Variants in MSRB3 observed in about 807,000 individuals in gnomAD.
The protein encoded by MSRB3 is methionine-R-sulfoxide reductase B3.
In MSRB3, 13 loss-of-function variants were observed where a neutral mutation model predicts 21.0. The observed-to-expected ratio is 0.62, with a 90% CI of 0.40 to 0.98. MSRB3 has a LOEUF of 0.98. Ranked by LOEUF, MSRB3 falls within the 50% of genes least tolerant of loss-of-function variation. The pLI, the probability that MSRB3 is intolerant of heterozygous loss-of-function variation, is 0.00. For synonymous variants in MSRB3, 87 were observed against 88.6 expected, an observed-to-expected ratio of 0.98 and a Z score of 0.10; for missense variants, 199 against 230.3, an observed-to-expected ratio of 0.86 and a Z score of 0.88.
intron 5 of MSRB3, among the ~76,000 whole-genome samples, chr12:65,385,646 G>A (rs1242654376): frequency 4.6e-5 from 7 of 151,930 alleles, no homozygotes; most frequent in East Asian, 1.9e-4. Context: ...TTGGGACAGA[G>A]GCCCGTTAAA....
chr12:65,386,085 A>G (rs1210305154), intron 5 of MSRB3, among the ~76,000 whole-genome samples: 1 of 151,944 alleles, frequency 6.6e-6, no homozygotes, highest in African/African-American at 2.4e-5. Context: ...TCCATTAAGC[A>G]TTACAGCATC....
intron 4 of MSRB3, among the ~76,000 whole-genome samples, chr12:65,355,072 G>A (rs1285340028): frequency 6.6e-6 from 1 of 151,770 alleles, no homozygotes; most frequent in Non-Finnish European, 1.5e-5. Flanking sequence ...AGAAATGAGG[G>A]AAAGAGGTTA....
At chr12:65,280,037 C>A (rs1871917974) in intron 1 of MSRB3, among the ~76,000 whole-genome samples, 1 of 152,098 alleles carries the variant, frequency 6.6e-6, no homozygotes, top group Non-Finnish European at 1.5e-5. Flanking sequence ...AGATTATATT[C>A]AGTACTCTCT....
intron 5 of MSRB3, among the ~76,000 whole-genome samples, chr12:65,439,551 T>A (rs1882276209): frequency 6.6e-6 from 1 of 151,654 alleles, no homozygotes; most frequent in African/African-American, 2.4e-5. Context: ...ATCTTAAATT[T>A]TAGAAAGTAG....
chr12:65,304,767 A>C (rs1873548967), intron 1 of MSRB3, among the ~76,000 whole-genome samples: 1 of 152,228 alleles, frequency 6.6e-6, no homozygotes, highest in Non-Finnish European at 1.5e-5. Flanking sequence ...TCACTCAGAC[A>C]GTTCAGGGAA....
chr12:65,370,358 A>G (rs1878249833), intron 5 of MSRB3, among the ~76,000 whole-genome samples: 1 of 152,196 alleles, frequency 6.6e-6, no homozygotes, highest in Admixed American at 6.5e-5. Context: ...TAAAAATTAC[A>G]TGTCTCTTTT....
At chr12:65,292,070 A>G (rs2136396575) in intron 1 of MSRB3, among the ~76,000 whole-genome samples, 1 of 152,302 alleles carries the variant, frequency 6.6e-6, no homozygotes, top group Non-Finnish European at 1.5e-5. Context: ...TATAAAGTCT[A>G]AGGAAAAGAG....
rs1592479267 is a variant in MSRB3 at position 65,278,861 on chromosome 12, G to A, written c.-56G>A. ...TGGCCGCGGCTCTGGGAAGTGCGCA[G>A]TCCGGTAAGTTCGGGCTCCCCTCCC... On this transcript the variant is annotated 5_prime_UTR_variant, in exon 1 of 7. Coordinates refer to ENST00000308259, the MANE Select transcript of MSRB3 (RefSeq NM_001031679.3). The A allele has an allele frequency of 6.4e-7, 1 of 1,557,976 alleles. No individual in the cohort carries two copies. The highest frequency in any genetic ancestry group is 2.4e-5 in the East Asian group (1 of 41,576).
intron 5 of MSRB3, among the ~76,000 whole-genome samples, chr12:65,370,425 A>G (rs1878253293): frequency 6.6e-6 from 1 of 152,176 alleles, no homozygotes; most frequent in Non-Finnish European, 1.5e-5. Flanking sequence ...ATCTGATGTA[A>G]TTCCCTAAAC....
intron 6 of MSRB3, among the ~76,000 whole-genome samples, chr12:65,458,255 C>A (rs150444396): frequency 6.6e-6 from 1 of 152,172 alleles, no homozygotes; most frequent in Admixed American, 6.5e-5. Flanking sequence ...TGCTTAGGAT[C>A]CTTTTTTAAA....
intron 4 of MSRB3, among the ~76,000 whole-genome samples, chr12:65,333,960 C>T (rs1387932821): frequency 6.6e-6 from 1 of 152,096 alleles, no homozygotes; most frequent in Non-Finnish European, 1.5e-5. Flanking sequence ...GAGATGTAAG[C>T]CATAACAGTG....
chr12:65,459,515 G>GA (rs899618201), intron 6 of MSRB3, among the ~76,000 whole-genome samples: 3 of 151,964 alleles, frequency 2.0e-5, no homozygotes, highest in African/African-American at 7.2e-5. Context: ...AAGCACAGAG[G>GA]AAAAAAAGCC....
At chr12:65,284,759 G>C (rs188049473) in intron 1 of MSRB3, 1 of 152,154 alleles carries the variant, frequency 6.6e-6, no homozygotes, top group African/African-American at 2.4e-5. Context: ...ATGCCGAGTC[G>C]GTATATGGCA....
At chr12:65,321,222 G>A (rs1874641554) in intron 2 of MSRB3, among the ~76,000 whole-genome samples, 1 of 152,068 alleles carries the variant, frequency 6.6e-6, no homozygotes, top group Non-Finnish European at 1.5e-5. Context: ...GGAGCTCCAG[G>A]AAAGTAGATC....
At chr12:65,438,284 C>T (rs1323035849) in intron 5 of MSRB3, among the ~76,000 whole-genome samples, 1 of 151,714 alleles carries the variant, frequency 6.6e-6, no homozygotes, top group African/African-American at 2.4e-5. Context: ...CCTAGAAGAT[C>T]AAATGGAAGA....
At chr12:65,353,542 T>C (rs577399249) in intron 4 of MSRB3, among the ~76,000 whole-genome samples, 48 of 152,284 alleles carry the variant, frequency 3.2e-4, no homozygotes, top group African/African-American at 1.1e-3. Flanking sequence ...AGACTAGGAT[T>C]GCAACCCCTG....
chr12:65,431,385 A>T (rs1881870121), intron 5 of MSRB3, among the ~76,000 whole-genome samples: 1 of 152,016 alleles, frequency 6.6e-6, no homozygotes, highest in Non-Finnish European at 1.5e-5. Context: ...AGTTTCCAGC[A>T]TTAATTTTTT....
At chr12:65,383,896 T>G (rs925521405) in intron 5 of MSRB3, among the ~76,000 whole-genome samples, 2 of 152,172 alleles carry the variant, frequency 1.3e-5, no homozygotes, top group Non-Finnish European at 2.9e-5. Flanking sequence ...TGAACTCAGG[T>G]GATCCACCCG....
At chr12:65,425,022 C>T (rs1326362321) in intron 5 of MSRB3, among the ~76,000 whole-genome samples, 1 of 150,060 alleles carries the variant, frequency 6.7e-6, no homozygotes, top group African/African-American at 2.4e-5. Context: ...ATATTTAGGT[C>T]CTCTGGTTTT....
Sources: gnomAD v4.1 joint callset for allele counts (sites outside exome capture counted in the v4.1 genomes callset) on GRCh38, gnomAD v4.1.1 for gene constraint, MANE v1.5 for transcripts, NCBI Gene and HGNC (gene_info 2026-07-23, HGNC 2026-07-21) for gene names.